CNTN4: variants seen among roughly 807,000 people sequenced by gnomAD.
The protein encoded by CNTN4 is contactin 4.
CNTN4 carries 77 observed loss-of-function variants against 122.5 expected under a neutral mutation model. The observed-to-expected ratio is 0.63, with a 90% CI of 0.52 to 0.76. The LOEUF is 0.76. Among genes scored for constraint, CNTN4 ranks in the 30% least tolerant of loss-of-function variants. The pLI, the probability that CNTN4 is intolerant of heterozygous loss-of-function variation, is 0.00. For synonymous variants in CNTN4, 512 were observed against 447.0 expected, an observed-to-expected ratio of 1.15 and a Z score of -1.83; for missense variants, 1,256 against 1,259.1, an observed-to-expected ratio of 1.00 and a Z score of 0.04.
At chr3:2,653,816 T>A (rs569879754) in intron 4 of CNTN4, among the ~76,000 whole-genome samples, 1 of 152,336 alleles carries the variant, frequency 6.6e-6, no homozygotes, top group South Asian at 2.1e-4. Flanking sequence ...TCTAATTGTT[T>A]TGCAGCTTTC....
intron 8 of CNTN4, among the ~76,000 whole-genome samples, chr3:2,881,442 G>A (rs2150968948): frequency 6.6e-6 from 1 of 152,028 alleles, no homozygotes; most frequent in East Asian, 1.9e-4. Context: ...GAACCCGGGA[G>A]GCGGAGGTTG....
At chr3:2,190,463 C>A (rs2037477490) in intron 2 of CNTN4, among the ~76,000 whole-genome samples, 1 of 151,946 alleles carries the variant, frequency 6.6e-6, no homozygotes, top group African/African-American at 2.4e-5. Context: ...TGGAGCTCAT[C>A]CATGGGCATA....
intron 3 of CNTN4, among the ~76,000 whole-genome samples, chr3:2,431,398 A>G (rs2048065019): frequency 6.6e-6 from 1 of 152,220 alleles, no homozygotes; most frequent in Non-Finnish European, 1.5e-5. Flanking sequence ...GCAAAGAATA[A>G]GTTTTGAAGC....
chr3:2,254,019 C>G (rs764224101), intron 2 of CNTN4, among the ~76,000 whole-genome samples: 2 of 152,080 alleles, frequency 1.3e-5, no homozygotes, highest in Non-Finnish European at 2.9e-5. Context: ...GGGTATTTCT[C>G]CTAATGCTAT....
chr3:2,606,623 T>C (rs2081272141), intron 4 of CNTN4, among the ~76,000 whole-genome samples: 1 of 152,202 alleles, frequency 6.6e-6, no homozygotes, highest in Non-Finnish European at 1.5e-5. Flanking sequence ...CTGAACACAA[T>C]AAGTTGACAT....
At chr3:2,264,411 G>A (rs892320373) in intron 2 of CNTN4, among the ~76,000 whole-genome samples, 1 of 151,898 alleles carries the variant, frequency 6.6e-6, no homozygotes, top group Non-Finnish European at 1.5e-5. Flanking sequence ...CCATTTGTTT[G>A]TCTTCTTTTA....
At chr3:2,687,763 T>C (rs1407751879) in intron 4 of CNTN4, among the ~76,000 whole-genome samples, 1 of 152,222 alleles carries the variant, frequency 6.6e-6, no homozygotes, top group African/African-American at 2.4e-5. Context: ...GCCTTTTTGA[T>C]AGGGTTTTCA....
chr3:2,521,550 T>A (rs1361136510), intron 3 of CNTN4, among the ~76,000 whole-genome samples: 1 of 152,084 alleles, frequency 6.6e-6, no homozygotes, highest in African/African-American at 2.4e-5. Flanking sequence ...TTTGAACAAG[T>A]TTTACAACTG....
chr3:2,457,159 C>G lies in CNTN4; in HGVS notation c.-88-114257C>G, dbSNP rs1184419919. Among the ~76,000 whole-genome samples the G allele has an allele frequency of 3.3e-5, 5 of 152,072 alleles. No homozygotes were observed. In the East Asian group the frequency reaches 9.6e-4, roughly 29 times the overall value. On this transcript the variant is annotated intron_variant, in intron 3 of 24. Transcript: ENST00000418658. ...TAGAGCTGCTTCTGCTGTTCCCTCCCCAATACCAAGCTTGCCTGCTTTTCC... is the reference window on the plus strand; with the variant it reads ...TAGAGCTGCTTCTGCTGTTCCCTCCGCAATACCAAGCTTGCCTGCTTTTCC...
chr3:2,394,784 G>GT (rs56027529), intron 3 of CNTN4, among the ~76,000 whole-genome samples: 10,881 of 108,332 alleles, frequency 0.1, 887 homozygotes, highest in South Asian at 0.21. Context: ...CCTTATATTA[G>GT]TTTTTTTTTT....
chr3:2,700,111 T>G (rs539479667), intron 4 of CNTN4, among the ~76,000 whole-genome samples: 2 of 152,196 alleles, frequency 1.3e-5, no homozygotes, highest in East Asian at 3.9e-4. Flanking sequence ...CAGCAAGCAG[T>G]AGACATGGTG....
intron 2 of CNTN4, among the ~76,000 whole-genome samples, chr3:2,288,194 G>A (rs1405663438): frequency 3.3e-5 from 5 of 152,174 alleles, no homozygotes; most frequent in African/African-American, 4.8e-5. Flanking sequence ...CCTGAGACTA[G>A]GTAATTTACA....
chr3:2,673,049 G>C (rs1408699166), intron 4 of CNTN4, among the ~76,000 whole-genome samples: 1 of 152,132 alleles, frequency 6.6e-6, no homozygotes. Context: ...TTGTCTAATG[G>C]CAAGTATGTT....
chr3:2,550,891 G>T (rs2078472298), intron 3 of CNTN4, among the ~76,000 whole-genome samples: 1 of 152,024 alleles, frequency 6.6e-6, no homozygotes, highest in Non-Finnish European at 1.5e-5. Flanking sequence ...ATAAGTGGGA[G>T]TTGAACAATG....
At chr3:2,994,428 G>T (rs2125335511) in intron 14 of CNTN4, among the ~76,000 whole-genome samples, 1 of 152,030 alleles carries the variant, frequency 6.6e-6, no homozygotes, top group African/African-American at 2.4e-5. Context: ...TAAGATCACA[G>T]ATACACGTAA....
chr3:2,099,900 A>C (rs1054990988), intron 1 of CNTN4: 2 of 152,214 alleles, frequency 1.3e-5, no homozygotes, highest in African/African-American at 2.4e-5. Flanking sequence ...TTTACTATTT[A>C]TGAAGGGTGT....
intron 4 of CNTN4, among the ~76,000 whole-genome samples, chr3:2,678,230 T>A (rs532311733): frequency 1.1e-4 from 16 of 152,302 alleles, no homozygotes; most frequent in African/African-American, 3.4e-4. Context: ...TAAACTACTT[T>A]CTATAGATTT....
chr3:2,310,904 T>A (rs1438799501), intron 2 of CNTN4, among the ~76,000 whole-genome samples: 7 of 152,160 alleles, frequency 4.6e-5, no homozygotes, highest in African/African-American at 1.7e-4. Context: ...TGATAGCTAT[T>A]CAACCTGTCT....
At chr3:2,978,172 G>A (rs1577476299) in intron 13 of CNTN4, among the ~76,000 whole-genome samples, 1 of 152,090 alleles carries the variant, frequency 6.6e-6, no homozygotes, top group Non-Finnish European at 1.5e-5. Context: ...TGTTGCTATG[G>A]CAGCCATAGG....
Sources: allele counts gnomAD v4.1 joint callset (sites outside exome capture counted in the v4.1 genomes callset), GRCh38; gene constraint gnomAD v4.1.1; transcripts MANE v1.5; gene names NCBI Gene and HGNC (gene_info 2026-07-23, HGNC 2026-07-21).